Variants in PBX1 observed in about 807,000 individuals in gnomAD.
PBX1 encodes pre-B-cell leukemia transcription factor 1.
In PBX1, 6 loss-of-function variants were observed where a neutral mutation model predicts 53.4. That is an observed-to-expected ratio of 0.11 (90% CI 0.06 to 0.22). The LOEUF (loss-of-function observed/expected upper bound fraction) is 0.22. PBX1 is among the 10% of genes least tolerant of loss of function. The pLI, the probability that PBX1 is intolerant of heterozygous loss-of-function variation, is 1.00. For synonymous variants in PBX1, 204 were observed against 212.3 expected (o/e 0.96, Z 0.34); for missense variants, 251 against 551.4 (o/e 0.46, Z 5.46).
chr1:164,838,997 G>C (rs1671170317), intron 8 of PBX1, among the ~76,000 whole-genome samples: 1 of 152,154 alleles, frequency 6.6e-6, no homozygotes, highest in Non-Finnish European at 1.5e-5. Flanking sequence ...TCTGGGCATG[G>C]CTAAGTCCTC....
chr1:164,837,353 C>A (rs1339743718), intron 8 of PBX1, among the ~76,000 whole-genome samples: 2 of 152,004 alleles, frequency 1.3e-5, no homozygotes, highest in East Asian at 3.9e-4. Context: ...AAAAGAATAC[C>A]CTTACTTGAA....
At chr1:164,597,561 G>T (rs1655856602) in intron 2 of PBX1, among the ~76,000 whole-genome samples, 1 of 152,114 alleles carries the variant, frequency 6.6e-6, no homozygotes, top group South Asian at 2.1e-4. Flanking sequence ...GCCTTCAGAG[G>T]ACCATGATAT....
intron 2 of PBX1, chr1:164,770,577 G>A (rs1317302852): frequency 6.6e-6 from 1 of 152,104 alleles, no homozygotes; most frequent in East Asian, 1.9e-4. Context: ...CTCCTATAGG[G>A]TGCAATTATG....
chr1:164,764,349 G>T (rs1214142060), intron 2 of PBX1, among the ~76,000 whole-genome samples: 1 of 151,832 alleles, frequency 6.6e-6, no homozygotes, highest in Non-Finnish European at 1.5e-5. Context: ...GAAGGATTTT[G>T]TGTGTATTTG....
intron 5 of PBX1, 71 bp from the exon 6 acceptor site, chr1:164,811,919 C>G: frequency 7.3e-7 from 1 of 1,368,166 alleles, no homozygotes; most frequent in Non-Finnish European, 1.0e-6. Flanking sequence ...CCCATAAAGC[C>G]TTTTTTTTCT....
At chr1:164,633,215 T>C (rs557295492) in intron 2 of PBX1, among the ~76,000 whole-genome samples, 1 of 151,932 alleles carries the variant, frequency 6.6e-6, no homozygotes, top group Non-Finnish European at 1.5e-5. Flanking sequence ...AGTGGCACAA[T>C]CTTGGCTCAC....
intron 2 of PBX1, among the ~76,000 whole-genome samples, chr1:164,590,969 T>G (rs1447592922): frequency 1.3e-5 from 2 of 151,524 alleles, no homozygotes; most frequent in East Asian, 3.9e-4. Flanking sequence ...TTCAGCCTCG[T>G]GAGTAGCTGG....
chr1:164,790,671 G>C (rs774711515), intron 2 of PBX1, among the ~76,000 whole-genome samples: 1 of 152,106 alleles, frequency 6.6e-6, no homozygotes, highest in Non-Finnish European at 1.5e-5. Flanking sequence ...TGATGGTCTC[G>C]TGTTTTGTGA....
chr1:164,867,224 G>A (rs1343415300), intron 2 of PBX1, among the ~76,000 whole-genome samples: 2 of 152,072 alleles, frequency 1.3e-5, no homozygotes, highest in Admixed American at 6.6e-5. Flanking sequence ...TCAGTAGAGC[G>A]GGAATCTCTG....
At chr1:164,876,002 A>G (rs1672499403) in intron 2 of PBX1, among the ~76,000 whole-genome samples, 1 of 56,656 alleles carries the variant, frequency 1.8e-5, no homozygotes, top group Non-Finnish European at 6.1e-5. Context: ...ATATATATAT[A>G]TATACACACA....
intron 8 of PBX1, among the ~76,000 whole-genome samples, chr1:164,834,729 C>A (rs16835292): frequency 0.087 from 13,217 of 152,144 alleles, 726 homozygotes; most frequent in African/African-American, 0.15. Context: ...TTATGAAATC[C>A]CTTGCTAACT....
chr1:164,698,730 G>A (rs1662933188), intron 2 of PBX1, among the ~76,000 whole-genome samples: 1 of 152,104 alleles, frequency 6.6e-6, no homozygotes, highest in South Asian at 2.1e-4. Context: ...TGTTTATCTG[G>A]CTTCCTAGCC....
chr1:164,688,760 TTA>T (rs372546955), intron 2 of PBX1, among the ~76,000 whole-genome samples: 182 of 152,346 alleles, frequency 1.2e-3, no homozygotes, highest in African/African-American at 4.2e-3. Context: ...CTCTTCTCTA[TTA>T]AATGATTGTC....
At chr1:164,875,988 G>GTGTGTATATATATATATATATATATA (rs776802784) in intron 2 of PBX1, among the ~76,000 whole-genome samples, 1 of 56,938 alleles carries the variant, frequency 1.8e-5, no homozygotes, top group African/African-American at 4.2e-5. Context: ...TGGTGTATGT[G>GTGTGTATATATATATATATATATATA]TATATATATA....
intron 3 of PBX1, among the ~76,000 whole-genome samples, chr1:164,793,850 T>C (rs1393756381): frequency 1.5e-5 from 2 of 136,124 alleles, no homozygotes; most frequent in African/African-American, 3.1e-5. Context: ...TCCTTACCTT[T>C]CTTTTCTTTT....
intron 2 of PBX1, among the ~76,000 whole-genome samples, chr1:164,711,633 C>T (rs562254069): frequency 2.0e-5 from 3 of 152,188 alleles, no homozygotes; most frequent in Non-Finnish European, 4.4e-5. Flanking sequence ...TGTGTCAAGC[C>T]TGAGGAATGA....
intron 2 of PBX1, among the ~76,000 whole-genome samples, chr1:164,792,066 A>ACC (rs34861407): frequency 6.6e-6 from 1 of 151,590 alleles, no homozygotes; most frequent in African/African-American, 2.4e-5. Context: ...CTCGTGATCA[A>ACC]CCCCCCACTC....
At chr1:164,762,342 C>T (rs1230037101) in intron 2 of PBX1, among the ~76,000 whole-genome samples, 1 of 152,180 alleles carries the variant, frequency 6.6e-6, no homozygotes, top group African/African-American at 2.4e-5. Context: ...TGTTCTTTTC[C>T]GATGCAATTT....
intron 4 of PBX1, among the ~76,000 whole-genome samples, chr1:164,803,298 C>T (rs1217716580): frequency 6.6e-6 from 1 of 152,246 alleles, no homozygotes; most frequent in East Asian, 1.9e-4. Flanking sequence ...GTTCATTCAT[C>T]TACCTACTCC....
Sources: gnomAD v4.1 joint callset for allele counts (sites outside exome capture counted in the v4.1 genomes callset) on GRCh38, gnomAD v4.1.1 for gene constraint, MANE v1.5 for transcripts, NCBI Gene and HGNC (gene_info 2026-07-23, HGNC 2026-07-21) for gene names.